ZMYM6: variants seen among roughly 807,000 people sequenced by gnomAD.
ZMYM6 encodes the protein zinc finger MYM-type protein 6.
A neutral mutation model predicts 134.0 loss-of-function variants in ZMYM6; 90 were observed. That is an observed-to-expected ratio of 0.67 (90% CI 0.57 to 0.80). ZMYM6 has a LOEUF of 0.80. ZMYM6 is among the 30% of genes least tolerant of loss of function. ZMYM6 has a pLI of 0.00. For synonymous variants in ZMYM6, 481 were observed against 524.1 expected, an observed-to-expected ratio of 0.92 and a Z score of 1.12; for missense variants, 1,362 against 1,533.9, an observed-to-expected ratio of 0.89 and a Z score of 1.87.
chr1:35,001,270 G>GTT (rs35069895), intron 14 of ZMYM6, among the ~76,000 whole-genome samples: 26 of 111,110 alleles, frequency 2.3e-4, no homozygotes, highest in East Asian at 9.3e-4. Context: ...ACTGTCAGGT[G>GTT]TTTTTTTTTT....
At position 34,988,402 on chromosome 1, in the gene ZMYM6, T is replaced by A. The variant is rs933380511; in HGVS notation, c.2680A>T (p.Ile894Phe). The change falls in exon 16 of 16, where the codon ATT (isoleucine) becomes TTT (phenylalanine). Residue 894 changes from isoleucine (I) to phenylalanine (F), a missense_variant. Around this residue, in one of 3 missense-constraint regions of ZMYM6, gnomAD observed 824 missense variants for 940.9 expected, o/e 0.88. Transcript: ENST00000357182. Reference sequence around the variant, plus strand: ...ACCTTTTGAATCAGCTGGTCTTCAATGTCTGCAGATAGTTCATCAATCCTG... The same window carrying A: ...ACCTTTTGAATCAGCTGGTCTTCAAAGTCTGCAGATAGTTCATCAATCCTG... ...QHRIDELSAD[I>F]EDQLIQKVRE... 1 of 1,551,518 alleles carries A rather than the reference T, an allele frequency of 6.4e-7. No homozygotes were observed. The highest frequency in any genetic ancestry group is 8.7e-7 in the Non-Finnish European group (1 of 1,146,968).
In ZMYM6 at chr1:35,020,474, A is replaced by G. The variant is rs974675932; in HGVS notation, c.94-7T>C. 6.4e-7 allele frequency: 1 copy of G among 1,574,480 alleles called. No homozygotes were observed. The highest frequency in any genetic ancestry group is 8.6e-7 in the Non-Finnish European group (1 of 1,168,372). On this transcript the variant is annotated splice_polypyrimidine_tract_variant and splice_region_variant and intron_variant, in intron 2 of 15. Coordinates refer to ENST00000357182, the MANE Select transcript of ZMYM6 (RefSeq NM_007167.4). ...GTTGGACACATCCATACTCCTTTAA[A>G]AAAAAAAAGAAAAGAGAAAAGAGCA...
Position 35,011,777 on chromosome 1 carries a change from T to A in ZMYM6, c.1062+113A>T, listed in dbSNP as rs528042283. ...GGCCCCTGGATGAAACAAATTTTTT[T>A]CTTTTTAATTCAAATTTAAACTTTC... On this transcript the variant is annotated intron_variant, in intron 8 of 15. Transcript: ENST00000357182. 2.8e-5 allele frequency: 20 copies of A among 707,282 alleles called. No homozygotes were observed. The Admixed American group carries it at 8.2e-4, about 29-fold the overall frequency. 43.8% of individuals were successfully genotyped at this position (707,282 alleles called of 1,614,324 possible).
intron 4 of ZMYM6, among the ~76,000 whole-genome samples, 181 bp from the exon 5 acceptor site, chr1:35,015,343 T>G (rs576570769): frequency 2.6e-5 from 4 of 152,298 alleles, no homozygotes; most frequent in African/African-American, 9.6e-5. Context: ...CAATGAATGA[T>G]GTAATTACTA....
intron 15 of ZMYM6, 91 bp downstream of exon 15, chr1:34,992,143 C>CT (rs773023651): frequency 6.6e-7 from 1 of 1,511,476 alleles, no homozygotes; most frequent in Non-Finnish European, 9.2e-7. Context: ...ATTTAAGACT[C>CT]TGTCAATTAT....
intron 14 of ZMYM6, among the ~76,000 whole-genome samples, chr1:34,996,380 G>GA (rs940944692): frequency 3.3e-5 from 5 of 150,204 alleles, no homozygotes; most frequent in East Asian, 1.9e-4. Flanking sequence ...TTTATCTTTT[G>GA]AAAAAAAAAT....
At chr1:35,029,277 A>C (rs1031295461) in intron 2 of ZMYM6, among the ~76,000 whole-genome samples, 15 of 152,232 alleles carry the variant, frequency 9.9e-5, no homozygotes, top group African/African-American at 3.6e-4. Context: ...CCAGCCTTAA[A>C]CTATATATAC....
chr1:35,016,012 A>C (rs1194578941), intron 4 of ZMYM6, among the ~76,000 whole-genome samples: 2 of 142,686 alleles, frequency 1.4e-5, no homozygotes, highest in Non-Finnish European at 3.0e-5. Context: ...CAGTGTCACG[A>C]TCTCGGCTCA....
intron 2 of ZMYM6, among the ~76,000 whole-genome samples, chr1:35,029,655 T>A (rs1275792876): frequency 6.6e-6 from 1 of 152,308 alleles, no homozygotes. Context: ...AAAAGAACCA[T>A]GCATCTTTCC....
Position 34,988,915 on chromosome 1 carries a change from T to C in ZMYM6, c.2167A>G (p.Lys723Glu). The C allele has an allele frequency of 6.2e-7, 1 of 1,612,006 alleles. No homozygotes were observed. Among genetic ancestry groups the C allele is most frequent in the Non-Finnish European group, 8.5e-7 (1 of 1,179,650 alleles). Residue 723 changes from lysine to glutamate, a missense_variant, in exon 16 of 16, where the codon AAA (lysine) becomes GAA (glutamate). Coordinates refer to ENST00000357182, the MANE Select transcript of ZMYM6 (RefSeq NM_007167.4). ...GGAGAATCAAGTTCTGCATCATTTTTTTCATTAGGCATAGGTAAATCTGAA... is the reference window on the plus strand; with the variant it reads ...GGAGAATCAAGTTCTGCATCATTTTCTTCATTAGGCATAGGTAAATCTGAA... Reference protein sequence around the residue: ...CQTDLPMPNEKNDAELDSPPS... With the variant: ...CQTDLPMPNEENDAELDSPPS...
At chr1:35,024,068 T>C (rs532281263) in intron 2 of ZMYM6, among the ~76,000 whole-genome samples, 6 of 152,276 alleles carry the variant, frequency 3.9e-5, no homozygotes, top group Admixed American at 2.0e-4. Context: ...TCCACATCTT[T>C]CCTGCTCATT....
Position 35,019,355 on chromosome 1 carries a change from C to T in ZMYM6, c.426G>A (p.Ser142=), listed in dbSNP as rs146406265. 78 of 1,613,988 alleles carry T rather than the reference C, an allele frequency of 4.8e-5. No homozygotes were observed. The African/African-American group carries it at 5.5e-4, about 11-fold the overall frequency. ...PPPKKTCTNC[S]KDILNPKDVI... ...AAGGGATGTTAAGAATTTTATACTT[C>T]GAGCAGTTTGTGCAGGTTTTCTTGG... Residue 142 remains serine, a splice_region_variant and synonymous_variant, in exon 4 of 16, where the codon TCG becomes TCA. Coordinates refer to ENST00000357182, the MANE Select transcript of ZMYM6 (RefSeq NM_007167.4).
chr1:34,989,139 C>G (rs1292325911), intron 15 of ZMYM6: 2 of 1,359,948 alleles, frequency 1.5e-6, no homozygotes, highest in East Asian at 5.9e-5. Flanking sequence ...AGCTTGATCA[C>G]TAGGTATAAT....
intron 10 of ZMYM6, among the ~76,000 whole-genome samples, chr1:35,009,642 C>CT (rs1485654780): frequency 6.6e-6 from 1 of 152,130 alleles, no homozygotes; most frequent in Non-Finnish European, 1.5e-5. Flanking sequence ...TTTAAAAAGA[C>CT]TGACTTTCAG....
chr1:35,018,058 C>A (rs921952621), intron 4 of ZMYM6: 2 of 152,182 alleles, frequency 1.3e-5, no homozygotes, highest in South Asian at 4.2e-4. Context: ...AAATTCCTCT[C>A]TCCTGGCCAC....
At chr1:35,025,946 A>G (rs1557589797) in intron 2 of ZMYM6, among the ~76,000 whole-genome samples, 1 of 152,204 alleles carries the variant, frequency 6.6e-6, no homozygotes, top group Non-Finnish European at 1.5e-5. Context: ...TTCAAGTATT[A>G]TGGATTACAG....
Position 35,019,670 on chromosome 1 carries a change from C to T in ZMYM6, c.179-68G>A, listed in dbSNP as rs1641270004. The T allele has an allele frequency of 2.0e-6, 3 of 1,476,212 alleles. No individual in the cohort carries two copies. In the South Asian group the frequency reaches 4.3e-5, roughly 21 times the overall value. 91.4% of individuals were successfully genotyped at this position (1,476,212 alleles called of 1,614,324 possible). On this transcript the variant is annotated intron_variant, in intron 3 of 15. Coordinates refer to ENST00000357182, the MANE Select transcript of ZMYM6 (RefSeq NM_007167.4). ...GCATATACAGTCTCAGTCTCTCTCT[C>T]TCTCTCTCTTTTTTCTTTTTCTGAG... is the stretch of plus-strand genomic sequence containing the variant.
At chr1:34,996,576 GTA>G (rs1327151604) in intron 14 of ZMYM6, among the ~76,000 whole-genome samples, 1 of 151,996 alleles carries the variant, frequency 6.6e-6, no homozygotes, top group South Asian at 2.1e-4. Flanking sequence ...GTGTGTGTGT[GTA>G]TGTGTGTGTG....
chr1:34,993,532 A>C (rs1437269070), intron 14 of ZMYM6, among the ~76,000 whole-genome samples: 1 of 152,208 alleles, frequency 6.6e-6, no homozygotes, highest in Non-Finnish European at 1.5e-5. Flanking sequence ...TCCCTATTTT[A>C]AGGTTAGCTG....
Sources: allele counts gnomAD v4.1 joint callset (sites outside exome capture counted in the v4.1 genomes callset), GRCh38; gene constraint gnomAD v4.1.1; regional missense constraint gnomAD v4.1.1; transcripts MANE v1.5; gene names NCBI Gene and HGNC (gene_info 2026-07-23, HGNC 2026-07-21).